Variants in SLIT2 observed in about 807,000 individuals in gnomAD.
SLIT2 encodes the protein slit homolog 2 protein.
SLIT2 carries 41 observed loss-of-function variants against 185.7 expected under a neutral mutation model. That is an observed-to-expected ratio of 0.22 (90% CI 0.17 to 0.29). SLIT2 has a LOEUF of 0.29. SLIT2 is among the 10% of genes least tolerant of loss of function. SLIT2 has a pLI of 1.00. For missense variants in SLIT2, 1,571 were observed against 1,909.0 expected, an observed-to-expected ratio of 0.82 and a Z score of 3.30; for synonymous variants, 693 against 680.2, an observed-to-expected ratio of 1.02 and a Z score of -0.29.
Position 20,385,842 on chromosome 4 carries a change from TAC to T in SLIT2, c.396-81908_396-81907del, listed in dbSNP as rs561459995. Among the ~76,000 whole-genome samples, 202 of 152,316 alleles carry T rather than the reference TAC, an allele frequency of 1.3e-3. 1 individual carries two copies. The highest frequency in any genetic ancestry group is 3.2e-3 in the African/African-American group (133 of 41,588). On this transcript the variant is annotated intron_variant, in intron 4 of 36. Coordinates refer to ENST00000504154, the MANE Select transcript of SLIT2 (RefSeq NM_004787.4). ...TTTCATCTTGGGAGAAATAAAACCA[TAC>T]AGTTTCTTTATTTCATGTTTCTTCT...
At chr4:20,502,523 T>C (rs1210207870) in intron 9 of SLIT2, among the ~76,000 whole-genome samples, 2 of 152,180 alleles carry the variant, frequency 1.3e-5, no homozygotes, top group African/African-American at 4.8e-5. Context: ...AATAGTAAAA[T>C]ATGTGTGCAC....
At chr4:20,478,528 C>A (rs949640687) in intron 5 of SLIT2, among the ~76,000 whole-genome samples, 1 of 152,198 alleles carries the variant, frequency 6.6e-6, no homozygotes, top group African/African-American at 2.4e-5. Context: ...TTCTGGCATG[C>A]TGGAGGTTCC....
chr4:20,278,347 G>A (rs1165658960), intron 4 of SLIT2, among the ~76,000 whole-genome samples: 2 of 151,954 alleles, frequency 1.3e-5, no homozygotes, highest in African/African-American at 4.8e-5. Flanking sequence ...TCAATAAAAA[G>A]CCCTGCTTTT....
intron 4 of SLIT2, among the ~76,000 whole-genome samples, chr4:20,381,929 GTATT>G (rs1471023482): frequency 1.4e-5 from 2 of 147,878 alleles, no homozygotes; most frequent in African/African-American, 4.9e-5. Flanking sequence ...AAATACATAT[GTATT>G]TATGCATAAA....
At chr4:20,282,354 G>A (rs989119711) in intron 4 of SLIT2, among the ~76,000 whole-genome samples, 4 of 152,036 alleles carry the variant, frequency 2.6e-5, no homozygotes, top group African/African-American at 9.7e-5. Context: ...AAAAAGTTTT[G>A]TTATTTCCAA....
At chr4:20,473,256 A>T (rs557794654) in intron 5 of SLIT2, among the ~76,000 whole-genome samples, 2 of 151,908 alleles carry the variant, frequency 1.3e-5, no homozygotes, top group African/African-American at 2.4e-5. Context: ...TATGTCTGTC[A>T]TGAGTCTTAT....
In SLIT2 at chr4:20,524,159, A is replaced by G. The variant is rs376585436; in HGVS notation, c.1420A>G (p.Lys474Glu). 4 of 1,613,954 alleles carry G rather than the reference A, an allele frequency of 2.5e-6. No homozygotes were observed. Among genetic ancestry groups the G allele is most frequent in the Non-Finnish European group, 3.4e-6 (4 of 1,179,990 alleles). ...ANKRIGQIKS[K>E]KFRCSAKEQY... Reference sequence around the variant, plus strand: ...CAAAAGAATTGGACAGATCAAAAGCAAGAAATTCCGTTGTTCAGGTAATTT... The same window carrying G: ...CAAAAGAATTGGACAGATCAAAAGCGAGAAATTCCGTTGTTCAGGTAATTT... The change falls in exon 14 of 37, where the codon AAG becomes GAG. Residue 474 changes from lysine (K) to glutamate (E), a missense_variant. Coordinates refer to ENST00000504154, the MANE Select transcript of SLIT2 (RefSeq NM_004787.4).
intron 4 of SLIT2, among the ~76,000 whole-genome samples, chr4:20,334,573 A>G (rs1470894668): frequency 6.6e-6 from 1 of 152,184 alleles, no homozygotes; most frequent in Non-Finnish European, 1.5e-5. Context: ...ACATAATCCT[A>G]CACTCAGAGG....
At chr4:20,596,744 T>G in intron 32 of SLIT2, 89 bp downstream of exon 32, 4 of 1,314,290 alleles carry the variant, frequency 3.0e-6, no homozygotes, top group Non-Finnish European at 1.0e-6. Context: ...GAATGATTGA[T>G]AGTATGTCTT....
intron 4 of SLIT2, among the ~76,000 whole-genome samples, chr4:20,410,140 C>G (rs1018599748): frequency 3.3e-5 from 5 of 151,792 alleles, no homozygotes; most frequent in African/African-American, 1.2e-4. Context: ...GAAATCTTTG[C>G]CTGTGCCTAT....
chr4:20,551,280 G>T (rs1283679537), intron 25 of SLIT2, among the ~76,000 whole-genome samples: 1 of 152,052 alleles, frequency 6.6e-6, no homozygotes, highest in Non-Finnish European at 1.5e-5. Context: ...TCTCTATGAA[G>T]CCTCTCCTGA....
At chr4:20,597,645 T>C (rs1284875261) in intron 32 of SLIT2, among the ~76,000 whole-genome samples, 2 of 152,192 alleles carry the variant, frequency 1.3e-5, no homozygotes, top group Non-Finnish European at 2.9e-5. Flanking sequence ...CCTTTTTTGG[T>C]TTACCCTGAT....
At chr4:20,266,193 C>G (rs569072587) in intron 3 of SLIT2, among the ~76,000 whole-genome samples, 1 of 151,508 alleles carries the variant, frequency 6.6e-6, no homozygotes, top group Non-Finnish European at 1.5e-5. Context: ...AAAAAAAAAA[C>G]CACTTCTTGT....
At chr4:20,541,241 G>A (rs1438268303) in intron 19 of SLIT2, among the ~76,000 whole-genome samples, 1 of 151,928 alleles carries the variant, frequency 6.6e-6, no homozygotes, top group Non-Finnish European at 1.5e-5. Context: ...TAAAAGTGTT[G>A]TTACTGCTTA....
At chr4:20,408,471 T>C (rs1277077695) in intron 4 of SLIT2, among the ~76,000 whole-genome samples, 7 of 152,168 alleles carry the variant, frequency 4.6e-5, no homozygotes, top group Non-Finnish European at 1.0e-4. Context: ...GCCTCTACTA[T>C]GCCCAGATCT....
At chr4:20,255,792 T>G (rs1711755735) in intron 1 of SLIT2, among the ~76,000 whole-genome samples, 1 of 152,194 alleles carries the variant, frequency 6.6e-6, no homozygotes, top group African/African-American at 2.4e-5. Context: ...ACTTGTAAAA[T>G]TCTATCATTG....
intron 5 of SLIT2, among the ~76,000 whole-genome samples, chr4:20,476,854 A>G (rs1363126732): frequency 6.6e-6 from 1 of 152,208 alleles, no homozygotes; most frequent in Non-Finnish European, 1.5e-5. Context: ...AAGTAAGCAA[A>G]TGTTTAACCT....
chr4:20,472,386 G>GAGATATAGATATCTATATATATATATA (rs1560453735), intron 5 of SLIT2, among the ~76,000 whole-genome samples: 2 of 38,394 alleles, frequency 5.2e-5, no homozygotes, highest in East Asian at 1.3e-3. Flanking sequence ...CTATATATAT[G>GAGATATAGATATCTATATATATATATA]TAGATATATA....
intron 4 of SLIT2, among the ~76,000 whole-genome samples, chr4:20,334,245 G>A (rs1720306301): frequency 6.6e-6 from 1 of 152,088 alleles, no homozygotes. Flanking sequence ...GCACCCCCAA[G>A]AACTGTTTGC....
Sources: allele counts gnomAD v4.1 joint callset (sites outside exome capture counted in the v4.1 genomes callset), GRCh38; gene constraint gnomAD v4.1.1; transcripts MANE v1.5; gene names NCBI Gene and HGNC (gene_info 2026-07-23, HGNC 2026-07-21).